PRKCB: variants seen among roughly 807,000 people sequenced by gnomAD.
PRKCB encodes protein kinase C beta type.
In PRKCB, 13 loss-of-function variants were observed where a neutral mutation model predicts 81.5. The observed-to-expected ratio is 0.16, with a 90% CI of 0.10 to 0.25. The LOEUF is 0.25. PRKCB is among the 10% of genes least tolerant of loss of function. The probability of loss-of-function intolerance (pLI) is 1.00; values close to 1 mark genes in which losing one functional copy is unlikely to be tolerated. For missense variants in PRKCB, 509 were observed against 875.7 expected (o/e 0.58, Z 5.29); for synonymous variants, 335 against 321.4 (o/e 1.04, Z -0.45).
At chr16:24,161,403 G>A (rs1967255302) in intron 10 of PRKCB, among the ~76,000 whole-genome samples, 2 of 151,996 alleles carry the variant, frequency 1.3e-5, no homozygotes, top group South Asian at 2.1e-4. Flanking sequence ...ATCAGAAGGG[G>A]GCATAAACAA....
At chr16:24,043,134 G>A (rs1349652306) in intron 5 of PRKCB, among the ~76,000 whole-genome samples, 2 of 152,172 alleles carry the variant, frequency 1.3e-5, no homozygotes, top group Admixed American at 1.3e-4. Context: ...CACAGCTGCT[G>A]TTGAGGATCC....
At chr16:23,886,416 T>C (rs1303198020) in intron 2 of PRKCB, among the ~76,000 whole-genome samples, 2 of 114,978 alleles carry the variant, frequency 1.7e-5, no homozygotes, top group Admixed American at 1.8e-4. Context: ...GTTTTTTTTT[T>C]TTTTTTTTTT....
At chr16:24,036,349 C>G (rs187081719) in intron 5 of PRKCB, among the ~76,000 whole-genome samples, 206 of 152,184 alleles carry the variant, frequency 1.4e-3, no homozygotes, top group Non-Finnish European at 1.8e-3. Context: ...GCCATAAGCC[C>G]CGGTATAACC....
intron 2 of PRKCB, among the ~76,000 whole-genome samples, chr16:23,975,810 C>A (rs1373264520): frequency 6.6e-6 from 1 of 152,170 alleles, no homozygotes; most frequent in African/African-American, 2.4e-5. Context: ...ACGGCCCACC[C>A]TTCAACTTCT....
chr16:23,997,045 T>C (rs1243989516), intron 3 of PRKCB, among the ~76,000 whole-genome samples: 1 of 152,206 alleles, frequency 6.6e-6, no homozygotes, highest in Non-Finnish European at 1.5e-5. Flanking sequence ...CCCATGACTT[T>C]ATGCTCTCCC....
chr16:24,039,800 A>G (rs1249344263), intron 5 of PRKCB, among the ~76,000 whole-genome samples: 1 of 152,184 alleles, frequency 6.6e-6, no homozygotes. Context: ...AGCATCTGGC[A>G]CACTCAAGTT....
At chr16:23,900,106 G>A (rs1255274758) in intron 2 of PRKCB, among the ~76,000 whole-genome samples, 1 of 152,088 alleles carries the variant, frequency 6.6e-6, no homozygotes, top group Non-Finnish European at 1.5e-5. Flanking sequence ...GGGTGGTGGG[G>A]GTTGCTACTG....
chr16:24,134,708 C>G (rs1450549438), intron 9 of PRKCB, among the ~76,000 whole-genome samples: 1 of 151,862 alleles, frequency 6.6e-6, no homozygotes, highest in Admixed American at 6.6e-5. Flanking sequence ...GAGATCATGT[C>G]ACTGCACTCC....
At position 24,172,340 on chromosome 16, in the gene PRKCB, G is replaced by A. The variant is rs750515509; in HGVS notation, c.1310G>A (p.Arg437Gln). 4 of 1,613,778 alleles carry A rather than the reference G, an allele frequency of 2.5e-6. No homozygotes were observed. The highest frequency in any genetic ancestry group is 2.2e-5 in the East Asian group (1 of 44,842). Reference protein sequence around the residue: ...DLMYHIQQVGRFKEPHAVFYA... With the variant: ...DLMYHIQQVGQFKEPHAVFYA... ...ATGTATCACATCCAGCAAGTCGGCC[G>A]GTTCAAGGAGCCCCATGCTGTGTAA... The change falls in exon 11 of 17, where the codon CGG (arginine) becomes CAG (glutamine). Residue 437 changes from arginine to glutamine, a missense_variant. Arg to Gln is a conservative substitution (Grantham distance 43, BLOSUM62 1). Around this residue, in one of 6 missense-constraint regions of PRKCB, gnomAD observed 106 missense variants for 214.0 expected, o/e 0.50. Transcript: ENST00000643927.
At chr16:24,131,276 G>T (rs541193723) in intron 9 of PRKCB, among the ~76,000 whole-genome samples, 1 of 152,230 alleles carries the variant, frequency 6.6e-6, no homozygotes, top group Admixed American at 6.5e-5. Context: ...AAGCAGAGAG[G>T]TGAGAGACAG....
In PRKCB at chr16:24,218,479, C is replaced by A; in HGVS notation, c.*3663C>A. ...GCCTGCCCCACTCTAGCCACACATACCCACGTGTGCTCCTGAGTTCAGTGT... is the reference window on the plus strand; with the variant it reads ...GCCTGCCCCACTCTAGCCACACATAACCACGTGTGCTCCTGAGTTCAGTGT... On this transcript the variant is annotated 3_prime_UTR_variant, in exon 17 of 17. Coordinates refer to ENST00000643927, the MANE Select transcript of PRKCB (RefSeq NM_002738.7). The A allele has an allele frequency of 1.0e-6, 1 of 985,468 alleles. No individual in the cohort carries two copies. Among genetic ancestry groups the A allele is most frequent in the Non-Finnish European group, 1.2e-6 (1 of 829,972 alleles). 61.0% of individuals were successfully genotyped at this position (985,468 alleles called of 1,614,324 possible).
intron 9 of PRKCB, among the ~76,000 whole-genome samples, chr16:24,137,694 T>C (rs922440896): frequency 1.3e-5 from 2 of 152,220 alleles, no homozygotes; most frequent in African/African-American, 4.8e-5. Context: ...CTATGTATTA[T>C]TTCAGAAATT....
chr16:24,044,081 G>A (rs536549114), intron 5 of PRKCB, among the ~76,000 whole-genome samples: 5 of 152,174 alleles, frequency 3.3e-5, no homozygotes, highest in East Asian at 1.9e-4. Context: ...TAGGCCAGGC[G>A]CGGTGGCTCA....
intron 16 of PRKCB, among the ~76,000 whole-genome samples, chr16:24,204,937 T>C (rs903160122): frequency 5.9e-5 from 9 of 151,802 alleles, no homozygotes; most frequent in Non-Finnish European, 1.0e-4. Flanking sequence ...CTAGCCAACA[T>C]AGTGAAACCC....
chr16:23,882,021 T>TCTCTTTCTTTCTTCCTTCCTTCCTTC (rs1555481693), intron 2 of PRKCB, among the ~76,000 whole-genome samples: 1 of 55,592 alleles, frequency 1.8e-5, no homozygotes, highest in Admixed American at 2.2e-4. Context: ...TTTCTTTCTT[T>TCTCTTTCTTTCTTCCTTCCTTCCTTC]CTTCCTTCCT....
chr16:23,851,890 A>G (rs1401413556), intron 2 of PRKCB, among the ~76,000 whole-genome samples: 1 of 152,030 alleles, frequency 6.6e-6, no homozygotes, highest in Admixed American at 6.6e-5. Context: ...GTAGTTTGTT[A>G]TTAGATAAGC....
chr16:23,854,987 G>A (rs1328295204), intron 2 of PRKCB, among the ~76,000 whole-genome samples: 1 of 152,116 alleles, frequency 6.6e-6, no homozygotes, highest in East Asian at 1.9e-4. Context: ...ATACGGCCAG[G>A]ACTTAGTGCA....
intron 2 of PRKCB, among the ~76,000 whole-genome samples, chr16:23,883,743 A>G (rs147050330): frequency 0.01 from 1,551 of 152,254 alleles, 13 homozygotes; most frequent in Non-Finnish European, 0.015. Context: ...AGGGAAGCAA[A>G]TGCACAGCTG....
chr16:23,979,089 C>T (rs1964660793), intron 2 of PRKCB, among the ~76,000 whole-genome samples: 1 of 152,174 alleles, frequency 6.6e-6, no homozygotes, highest in Non-Finnish European at 1.5e-5. Context: ...ATCTATTAGG[C>T]ACTTCTTGTG....
Sources: allele counts gnomAD v4.1 joint callset (sites outside exome capture counted in the v4.1 genomes callset), GRCh38; gene constraint gnomAD v4.1.1; regional missense constraint gnomAD v4.1.1; transcripts MANE v1.5; gene names NCBI Gene and HGNC (gene_info 2026-07-23, HGNC 2026-07-21).